Variants in SEL1L observed in about 807,000 individuals in gnomAD.
SEL1L encodes protein sel-1 homolog 1.
Under a neutral mutation model 109.8 loss-of-function variants are expected in SEL1L, and 52 were observed. The observed-to-expected ratio is 0.47, with a 90% confidence interval of 0.38 to 0.60. The LOEUF is 0.60. Among genes scored for constraint, SEL1L ranks in the 20% least tolerant of loss-of-function variants. SEL1L has a pLI of 0.00. For missense variants in SEL1L, 749 were observed against 962.2 expected (o/e 0.78, Z 2.93); for synonymous variants, 373 against 339.6 (o/e 1.10, Z -1.08).
rs138009361 is a variant in SEL1L, at chr14:81,496,283, C to G, written c.1129-1146G>C. On this transcript the variant is annotated intron_variant, in intron 10 of 20. Transcript: ENST00000336735. ...GGCTTGCAGTGAGCCGAGATTGCAC[C>G]ACTGCACTCCAGCCTGGGCGAGAGC... is the stretch of plus-strand genomic sequence containing the variant. Among the ~76,000 whole-genome samples the G allele has an allele frequency of 9.6e-3, 1,466 of 152,020 alleles. 31 individuals carry two copies. The highest frequency in any genetic ancestry group is 0.034 in the African/African-American group (1,407 of 41,418).
intron 6 of SEL1L, among the ~76,000 whole-genome samples, chr14:81,501,152 T>A (rs1883989979): frequency 6.6e-6 from 1 of 152,142 alleles, no homozygotes; most frequent in African/African-American, 2.4e-5. Flanking sequence ...TGTAGCTACA[T>A]AATAGAAACA....
At chr14:81,520,635 T>C (rs1160337480) in intron 3 of SEL1L, among the ~76,000 whole-genome samples, 2 of 152,130 alleles carry the variant, frequency 1.3e-5, no homozygotes, top group Non-Finnish European at 1.5e-5. Flanking sequence ...CAGATACCTC[T>C]CTCCAAGCAT....
chr14:81,526,687 G>GT, intron 3 of SEL1L, 46 bp downstream of exon 3: 1 of 1,461,352 alleles, frequency 6.8e-7, no homozygotes, highest in Non-Finnish European at 9.6e-7. Flanking sequence ...AAAATTTTCA[G>GT]TTGTCCCCTA....
At chr14:81,502,295 T>G (rs543363799) in intron 6 of SEL1L, among the ~76,000 whole-genome samples, 4 of 152,284 alleles carry the variant, frequency 2.6e-5, no homozygotes, top group South Asian at 2.1e-4. Flanking sequence ...GTGTACTTCT[T>G]AGTTTTGTTA....
intron 3 of SEL1L, among the ~76,000 whole-genome samples, chr14:81,525,494 T>C (rs1034414972): frequency 6.6e-6 from 1 of 151,250 alleles, no homozygotes; most frequent in Non-Finnish European, 1.5e-5. Flanking sequence ...AATTTTAAAA[T>C]GGTAATACAC....
intron 8 of SEL1L, 25 bp from the exon 9 acceptor site, chr14:81,498,519 G>C (rs778626117): frequency 6.4e-7 from 1 of 1,568,052 alleles, no homozygotes; most frequent in Admixed American, 1.7e-5. Context: ...CACGTGAGGA[G>C]GCAGCAGTTT....
At chr14:81,510,473 T>TCC (rs1491212152) in intron 3 of SEL1L, among the ~76,000 whole-genome samples, 3 of 64,898 alleles carry the variant, frequency 4.6e-5, no homozygotes, top group Admixed American at 1.8e-4. Context: ...AGAATGCTGA[T>TCC]CTCTCTCTCT....
At position 81,485,679 on chromosome 14, in the gene SEL1L, G is replaced by A. The variant is rs1234214352; in HGVS notation, c.1866C>T (p.Ala622=). ...TTAGAATTAATCACTTACCTTGAGA[G>A]GCGGCCCTGTTCCAATGTAGCAAAG... The part of the protein sequence containing the change: ...PRALLHWNRA[A]SQGYTVARIK... The change falls in exon 18 of 21, where the codon GCC becomes GCT. Residue 622 remains alanine (A), a synonymous_variant. Coordinates refer to ENST00000336735, the MANE Select transcript of SEL1L (RefSeq NM_005065.6). The A allele has an allele frequency of 1.2e-6, 2 of 1,613,566 alleles. No individual in the cohort carries two copies. The highest frequency in any genetic ancestry group is 1.3e-5 in the African/African-American group (1 of 74,874).
At position 81,487,630 on chromosome 14, in the gene SEL1L, G is replaced by C. The variant is rs1026451578; in HGVS notation, c.1484-92C>G. The C allele has an allele frequency of 5.9e-6, 9 of 1,527,400 alleles. No individual in the cohort carries two copies. The African/African-American group carries it at 1.3e-4, about 21-fold the overall frequency. The allele number at this position is 1,527,400 out of a possible 1,614,324, so 94.6% of individuals were successfully genotyped here. A position where few individuals can be genotyped will look rare whatever the true frequency, so the allele number is the denominator to read the frequency against. On this transcript the variant is annotated intron_variant, in intron 15 of 20. Transcript: ENST00000336735. ...TATATATGAAGAATAAAACTCTAAT[G>C]AAAGAATTCTTACTGAGTAAATATG...
chr14:81,487,410 A>T lies in SEL1L; in HGVS notation c.1612T>A (p.Ser538Thr). The T allele has an allele frequency of 6.3e-7, 1 of 1,592,436 alleles. No homozygotes were observed. Among genetic ancestry groups the T allele is most frequent in the Non-Finnish European group, 8.5e-7 (1 of 1,174,966 alleles). ...MHASGTGVMR[S>T]CHTAVELFKN... ...CTTACCTCCACTGCAGTGTGACATG[A>T]TCGCATCACGCCGGTGCCACTGGCA... Residue 538 changes from serine (S) to threonine (T), a missense_variant, in exon 16 of 21, where the codon TCA (serine) becomes ACA (threonine). Ser to Thr is a moderately conservative substitution (Grantham distance 58, BLOSUM62 1). Around this residue, in one of 2 missense-constraint regions of SEL1L, gnomAD observed 383 missense variants for 562.5 expected, o/e 0.68. Coordinates refer to ENST00000336735, the MANE Select transcript of SEL1L (RefSeq NM_005065.6).
chr14:81,483,533 A>G (rs1456191415), intron 19 of SEL1L, among the ~76,000 whole-genome samples: 1 of 152,226 alleles, frequency 6.6e-6, no homozygotes. Context: ...GAAAACATAA[A>G]TTTAGGGAAA....
intron 3 of SEL1L, among the ~76,000 whole-genome samples, chr14:81,507,739 G>T (rs1201484518): frequency 6.6e-6 from 1 of 151,956 alleles, no homozygotes; most frequent in Admixed American, 6.6e-5. Flanking sequence ...TGCATGAGAG[G>T]TATATGAGAA....
intron 4 of SEL1L, 64 bp downstream of exon 4, chr14:81,506,010 G>A: frequency 2.0e-6 from 3 of 1,478,406 alleles, no homozygotes; most frequent in South Asian, 1.3e-5. Flanking sequence ...CTAGAAAAAG[G>A]CCTTAAAAAC....
chr14:81,533,308 C>G (rs1312958233), intron 1 of SEL1L, among the ~76,000 whole-genome samples: 1 of 152,130 alleles, frequency 6.6e-6, no homozygotes, highest in African/African-American at 2.4e-5. Flanking sequence ...ACTTACAATT[C>G]CCAAGCCCAG....
rs1484327254 is a variant in SEL1L at position 81,472,518 on chromosome 14, G to A, written c.*4454C>T. ...TATTTTTTCATTTCTCCTTTACTCA[G>A]AGCATATTTAGTCTAAATGTTACTG... On this transcript the variant is annotated 3_prime_UTR_variant, in exon 21 of 21. Coordinates refer to ENST00000336735, the MANE Select transcript of SEL1L (RefSeq NM_005065.6). 2.2e-5 allele frequency: 9 copies of A among 403,186 alleles called. No homozygotes were observed. The allele number at this position is 403,186 out of a possible 1,614,324, so 25.0% of individuals were successfully genotyped here.
chr14:81,481,757 G>A (rs999016631), intron 19 of SEL1L, among the ~76,000 whole-genome samples: 3 of 152,146 alleles, frequency 2.0e-5, no homozygotes, highest in South Asian at 2.1e-4. Context: ...ATGGGACCGC[G>A]TGCAGTGGCT....
At position 81,480,054 on chromosome 14, in the gene SEL1L, A is replaced by G. The variant is rs1386439983; in HGVS notation, c.2047-314T>C. 3.9e-5 allele frequency among the ~76,000 whole-genome samples: 6 copies of G among 152,350 alleles called. No homozygotes were observed. In the East Asian group the frequency reaches 1.2e-3, roughly 29 times the overall value. The stretch of plus-strand genomic sequence containing the variant: ...TAGAGATTTCCAAGGGCGACTTCTG[A>G]AACTCACACTAATTTTTTGCTACTT... On this transcript the variant is annotated intron_variant, in intron 19 of 20. Coordinates refer to ENST00000336735, the MANE Select transcript of SEL1L (RefSeq NM_005065.6).
Position 81,490,442 on chromosome 14 carries a change from A to C in SEL1L, c.1278T>G (p.Ile426Met). 1.9e-6 allele frequency: 3 copies of C among 1,613,890 alleles called. No homozygotes were observed. The South Asian group carries it at 3.3e-5, about 18-fold the overall frequency. The change falls in exon 13 of 21, where the codon ATT (isoleucine) becomes ATG (methionine). Residue 426 changes from isoleucine to methionine, a missense_variant. By Grantham distance (10) the Ile-to-Met change is conservative. Around this residue, in one of 2 missense-constraint regions of SEL1L, gnomAD observed 383 missense variants for 562.5 expected, o/e 0.68. Coordinates refer to ENST00000336735, the MANE Select transcript of SEL1L (RefSeq NM_005065.6). ...GAGCTGTCTCATTACTCTGAGGTACAATGTCACTTCCTTCCGAATACATCT... is the reference window on the plus strand; with the variant it reads ...GAGCTGTCTCATTACTCTGAGGTACCATGTCACTTCCTTCCGAATACATCT... ...LGKMYSEGSD[I>M]VPQSNETALH...
chr14:81,502,250 T>C (rs182863159), intron 6 of SEL1L, among the ~76,000 whole-genome samples: 15 of 152,284 alleles, frequency 9.9e-5, no homozygotes, highest in Non-Finnish European at 1.5e-5. Context: ...CACACTAATA[T>C]ATTATTACTC....
Sources: gnomAD v4.1 joint callset for allele counts (sites outside exome capture counted in the v4.1 genomes callset) on GRCh38, gnomAD v4.1.1 for gene constraint, gnomAD v4.1.1 regional missense constraint, MANE v1.5 for transcripts, NCBI Gene and HGNC (gene_info 2026-07-23, HGNC 2026-07-21) for gene names.